UBL3: variants seen among roughly 807,000 people sequenced by gnomAD.
UBL3 encodes the protein ubiquitin-like protein 3.
UBL3 carries 6 observed loss-of-function variants against 18.4 expected under a neutral mutation model. The ratio of observed to expected loss-of-function variants is 0.33; its 90% confidence interval spans 0.18 to 0.64. The LOEUF is 0.64. Ranked by LOEUF, UBL3 falls within the 30% of genes least tolerant of loss-of-function variation. The pLI is 0.76. For missense variants in UBL3, 109 were observed against 142.9 expected (o/e 0.76, Z 1.21); for synonymous variants, 49 against 46.6 (o/e 1.05, Z -0.21).
chr13:29,829,486 G>A (rs551722747), intron 1 of UBL3, among the ~76,000 whole-genome samples: 82 of 152,088 alleles, frequency 5.4e-4, no homozygotes, highest in African/African-American at 1.9e-3. Flanking sequence ...GACCCTCCAA[G>A]CCAGGCGCGG....
intron 1 of UBL3, among the ~76,000 whole-genome samples, chr13:29,781,750 G>A (rs1375518117): frequency 2.0e-5 from 3 of 148,776 alleles, no homozygotes; most frequent in Non-Finnish European, 4.4e-5. Context: ...TTGGGAGACT[G>A]AAGCAGGAGG....
chr13:29,782,566 C>T (rs531013582), intron 1 of UBL3, among the ~76,000 whole-genome samples: 2 of 152,172 alleles, frequency 1.3e-5, no homozygotes, highest in African/African-American at 4.8e-5. Flanking sequence ...CCTACTACTC[C>T]CTCCTTACTC....
intron 1 of UBL3, among the ~76,000 whole-genome samples, chr13:29,833,021 A>T (rs1878821857): frequency 6.6e-6 from 1 of 152,208 alleles, no homozygotes; most frequent in Admixed American, 6.5e-5. Flanking sequence ...ATGGACAAGC[A>T]GGGGTTCATT....
At chr13:29,829,472 G>A (rs1294435234) in intron 1 of UBL3, among the ~76,000 whole-genome samples, 4 of 152,230 alleles carry the variant, frequency 2.6e-5, no homozygotes, top group African/African-American at 4.8e-5. Flanking sequence ...CTCCGTGGGC[G>A]TGGGACCCTC....
chr13:29,842,500 C>T (rs278034), intron 1 of UBL3, among the ~76,000 whole-genome samples: 86,783 of 151,850 alleles, frequency 0.57, 25,884 homozygotes, highest in Non-Finnish European at 0.66. Flanking sequence ...ATCTGGCATA[C>T]GCTCTTCCTA....
rs1876694342 is a variant in UBL3, at chr13:29,766,679, A to G, written c.*576T>C. ...CAGTGAAAATAGTCACACTCAGTTT[A>G]GTATTCTGTGCCAGTGCAGCCACCA... On this transcript the variant is annotated 3_prime_UTR_variant, in exon 5 of 5. Transcript: ENST00000380680. The G allele has an allele frequency of 6.6e-6, 1 of 152,494 alleles. No homozygotes were observed. Among genetic ancestry groups the G allele is most frequent in the African/African-American group, 2.4e-5 (1 of 41,452 alleles). 9.4% of individuals were successfully genotyped at this position (152,494 alleles called of 1,614,324 possible). A position where few individuals can be genotyped will look rare whatever the true frequency, so the allele number is the denominator to read the frequency against.
chr13:29,843,295 A>C (rs970199470), intron 1 of UBL3, among the ~76,000 whole-genome samples: 1 of 152,196 alleles, frequency 6.6e-6, no homozygotes, highest in Non-Finnish European at 1.5e-5. Context: ...TTTTGTTTTT[A>C]CTTTACTATT....
chr13:29,790,238 T>C (rs987302920), intron 1 of UBL3, among the ~76,000 whole-genome samples: 1 of 152,196 alleles, frequency 6.6e-6, no homozygotes, highest in Non-Finnish European at 1.5e-5. Flanking sequence ...CACATAAACA[T>C]TCAATAATGA....
chr13:29,790,985 C>G (rs548742496), intron 1 of UBL3, among the ~76,000 whole-genome samples: 2 of 152,152 alleles, frequency 1.3e-5, no homozygotes, highest in East Asian at 3.8e-4. Context: ...ATCCATGAAG[C>G]GCCATTTTCA....
At chr13:29,802,581 T>C (rs1877800609) in intron 1 of UBL3, among the ~76,000 whole-genome samples, 1 of 152,208 alleles carries the variant, frequency 6.6e-6, no homozygotes, top group Non-Finnish European at 1.5e-5. Context: ...CAGGAGCTGA[T>C]AGATGAAGTG....
Position 29,769,204 on chromosome 13 carries a change from A to G in UBL3, c.224-1509T>C, listed in dbSNP as rs184055855. On this transcript the variant is annotated intron_variant, in intron 3 of 4. Transcript: ENST00000380680. ...GCAAGGAAAATGAATCTGAGAAAAA[A>G]GGTAGGTAAACTGAGATATATATGT... 4.1e-3 allele frequency among the ~76,000 whole-genome samples: 630 copies of G among 152,240 alleles called. 4 individuals are homozygous for G. Among genetic ancestry groups the G allele is most frequent in the African/African-American group, 0.015 (605 of 41,574 alleles).
chr13:29,831,684 C>T (rs1442297303), intron 1 of UBL3, among the ~76,000 whole-genome samples: 1 of 149,678 alleles, frequency 6.7e-6, no homozygotes, highest in Non-Finnish European at 1.5e-5. Context: ...AAAAGAAAGG[C>T]TGATGACAGC....
chr13:29,821,414 T>C (rs989935214), intron 1 of UBL3, among the ~76,000 whole-genome samples: 3 of 152,332 alleles, frequency 2.0e-5, no homozygotes, highest in South Asian at 2.1e-4. Context: ...CGTCATGTCA[T>C]AGTAATCACA....
intron 1 of UBL3, among the ~76,000 whole-genome samples, chr13:29,812,028 T>C (rs1389443627): frequency 6.6e-6 from 1 of 152,016 alleles, no homozygotes; most frequent in Non-Finnish European, 1.5e-5. Flanking sequence ...CTCGTACTAA[T>C]GTTCCTCTAC....
intron 1 of UBL3, among the ~76,000 whole-genome samples, chr13:29,808,345 T>C (rs1877949288): frequency 1.3e-5 from 2 of 151,200 alleles, no homozygotes. Flanking sequence ...TTAAATTAAT[T>C]ACAAAATTTC....
At chr13:29,831,419 G>A (rs61497074) in intron 1 of UBL3, among the ~76,000 whole-genome samples, 6,614 of 151,952 alleles carry the variant, frequency 0.044, 463 homozygotes, top group African/African-American at 0.15. Flanking sequence ...GAGAAAACCC[G>A]TCTCTACTAA....
At chr13:29,829,777 C>T (rs1012128841) in intron 1 of UBL3, among the ~76,000 whole-genome samples, 2 of 152,180 alleles carry the variant, frequency 1.3e-5, no homozygotes, top group Non-Finnish European at 2.9e-5. Flanking sequence ...TCTTCTGCGT[C>T]GCTCAGGCTG....
intron 1 of UBL3, among the ~76,000 whole-genome samples, chr13:29,780,856 T>C (rs1248749754): frequency 7.2e-5 from 11 of 152,072 alleles, no homozygotes; most frequent in Non-Finnish European, 1.5e-4. Context: ...GTACAGCAGT[T>C]TGTAAGTTTA....
intron 1 of UBL3, among the ~76,000 whole-genome samples, chr13:29,828,708 C>T (rs958434377): frequency 6.6e-6 from 1 of 152,242 alleles, no homozygotes; most frequent in African/African-American, 2.4e-5. Context: ...GCTTTGTTCC[C>T]TTGCTGGCGA....
Sources: gnomAD v4.1 joint callset for allele counts (sites outside exome capture counted in the v4.1 genomes callset) on GRCh38, gnomAD v4.1.1 for gene constraint, MANE v1.5 for transcripts, NCBI Gene and HGNC (gene_info 2026-07-23, HGNC 2026-07-21) for gene names.